The following ST6GAL2 variants were observed in gnomAD, a reference collection of about 807,000 sequenced individuals.
ST6GAL2 encodes beta-galactoside alpha-2,6-sialyltransferase 2.
Under a neutral mutation model 37.5 loss-of-function variants are expected in ST6GAL2, and 24 were observed. The ratio of observed to expected loss-of-function variants is 0.64; its 90% CI spans 0.46 to 0.90. The LOEUF is 0.90. Ranked by LOEUF, ST6GAL2 falls within the 40% of genes least tolerant of loss-of-function variation. The pLI is 0.00. For missense variants in ST6GAL2, 715 were observed against 712.7 expected (o/e 1.00, Z -0.04); for synonymous variants, 306 against 295.1 (o/e 1.04, Z -0.38).
At position 106,806,778 on chromosome 2, in the gene ST6GAL2, A is replaced by G. The variant is rs764730765; in HGVS notation, c.1490T>C (p.Met497Thr). 7.7e-5 allele frequency: 124 copies of G among 1,614,174 alleles called. 1 individual carries two copies. In the Middle Eastern group the frequency reaches 5.6e-3, roughly 73 times the overall value. ...GCGATGCAAATCCCCCTGCGTGCCC[A>G]TGTTCAGGCGCTGCACCAGGAGCTT... ...YEKLLVQRLN[M>T]GTQGDLHRKG... The change falls in exon 6 of 6, where the codon ATG (methionine) becomes ACG (threonine). Residue 497 changes from methionine (M) to threonine (T), a missense_variant. This residue lies in a region of ST6GAL2 where 198 missense variants were observed against 203.6 expected (regional missense o/e 0.97). Transcript: ENST00000409382.
intron 1 of ST6GAL2, among the ~76,000 whole-genome samples, chr2:106,885,667 C>G (rs1160692683): frequency 4.6e-5 from 7 of 152,074 alleles, no homozygotes; most frequent in Non-Finnish European, 1.0e-4. Flanking sequence ...TTGCCGCCTG[C>G]CAACTACATA....
At chr2:106,819,351 G>C (rs1302317553) in intron 5 of ST6GAL2, among the ~76,000 whole-genome samples, 1 of 142,556 alleles carries the variant, frequency 7.0e-6, no homozygotes, top group East Asian at 2.1e-4. Context: ...AGCAGCAAGA[G>C]AAAAAAAAAA....
intron 1 of ST6GAL2, among the ~76,000 whole-genome samples, chr2:106,849,384 C>A (rs2377689): frequency 0.87 from 131,930 of 152,046 alleles, 57,362 homozygotes; most frequent in East Asian, 0.98. Context: ...TTAATATTAA[C>A]ATAGACATCA....
intron 2 of ST6GAL2, among the ~76,000 whole-genome samples, chr2:106,838,123 A>C (rs959758882): frequency 6.6e-6 from 1 of 152,232 alleles, no homozygotes; most frequent in Non-Finnish European, 1.5e-5. Context: ...GAAGCTGTCC[A>C]TTCATATTTA....
At position 106,807,734 on chromosome 2, in the gene ST6GAL2, C is replaced by T. The variant is rs545748278; in HGVS notation, c.1319-785G>A. On this transcript the variant is annotated intron_variant, in intron 5 of 5. Transcript: ENST00000409382. ...CCCCTTCCCCGATTCACGCCATTCT[C>T]CTGCCTCAGCCTCCCAAGTAGCCGG... Among the ~76,000 whole-genome samples the T allele has an allele frequency of 5.3e-5, 8 of 151,018 alleles. No homozygotes were observed. In the South Asian group the frequency reaches 6.3e-4, roughly 12 times the overall value.
rs557586867 is a variant in ST6GAL2 at position 106,820,370 on chromosome 2, A to C, written c.1318+9696T>G. ...ATAGACTTCCAGCCAAAAACCTATA[A>C]AAAAAAGACAAAGTAGGTCATTATA... On this transcript the variant is annotated intron_variant, in intron 5 of 5. Transcript: ENST00000409382. Among the ~76,000 whole-genome samples the C allele has an allele frequency of 7.2e-4, 110 of 152,138 alleles. 3 individuals are homozygous for C. In the South Asian group the frequency reaches 0.022, roughly 30 times the overall value.
chr2:106,859,382 T>C (rs1162203353), intron 1 of ST6GAL2, among the ~76,000 whole-genome samples: 1 of 152,230 alleles, frequency 6.6e-6, no homozygotes, highest in Non-Finnish European at 1.5e-5. Context: ...TTGATATCTA[T>C]ACCCTTGGTT....
intron 1 of ST6GAL2, among the ~76,000 whole-genome samples, chr2:106,864,623 G>A (rs910672424): frequency 6.6e-6 from 1 of 151,970 alleles, no homozygotes; most frequent in African/African-American, 2.4e-5. Flanking sequence ...TATCAACTTG[G>A]GCAGGTTATT....
intron 1 of ST6GAL2, among the ~76,000 whole-genome samples, chr2:106,853,477 A>G (rs1677456100): frequency 6.6e-6 from 1 of 152,238 alleles, no homozygotes; most frequent in South Asian, 2.1e-4. Context: ...TATGGATTAA[A>G]GTAAGCCTGG....
intron 1 of ST6GAL2, among the ~76,000 whole-genome samples, chr2:106,855,353 T>C (rs1186548508): frequency 6.6e-6 from 1 of 152,226 alleles, no homozygotes; most frequent in Non-Finnish European, 1.5e-5. Context: ...TGGTAAGAGC[T>C]ACACTTAAAA....
chr2:106,883,789 A>G (rs570168523), intron 1 of ST6GAL2, among the ~76,000 whole-genome samples: 21 of 152,352 alleles, frequency 1.4e-4, no homozygotes, highest in African/African-American at 5.1e-4. Flanking sequence ...CAATACATTT[A>G]AAGAGCAAAT....
At position 106,843,625 on chromosome 2, in the gene ST6GAL2, CT is replaced by C. The variant is rs1380838432; in HGVS notation, c.352del (p.Arg118GlufsTer56). On this transcript the variant is annotated frameshift_variant, in exon 2 of 6. Coordinates refer to ENST00000409382, the MANE Select transcript of ST6GAL2 (RefSeq NM_001142351.2). LOFTEE classifies it high-confidence loss of function. ...CGGGTAGAAAGCACTTTGAGATTTT[CT>C]CCCCACCTGGGATGAAAAAAACTCT... ...HKEFFSSQVG[R>X]KSQSAFYPED... is the part of the protein sequence containing the mutation. 1 of 1,613,954 alleles carries C rather than the reference CT, an allele frequency of 6.2e-7. No homozygotes were observed. Among genetic ancestry groups the C allele is most frequent in the Non-Finnish European group, 8.5e-7 (1 of 1,180,036 alleles).
chr2:106,810,909 C>T (rs1008708625), intron 5 of ST6GAL2, among the ~76,000 whole-genome samples: 1 of 151,940 alleles, frequency 6.6e-6, no homozygotes, highest in Non-Finnish European at 1.5e-5. Flanking sequence ...CATGATTGTG[C>T]CACTGCACTC....
At chr2:106,823,764 A>G (rs1332130359) in intron 5 of ST6GAL2, among the ~76,000 whole-genome samples, 2 of 152,158 alleles carry the variant, frequency 1.3e-5, no homozygotes, top group Non-Finnish European at 2.9e-5. Flanking sequence ...AATTCCAAGA[A>G]CAATATGCAG....
Position 106,843,428 on chromosome 2 carries a change from G to C in ST6GAL2, c.550C>G (p.His184Asp). The C allele has an allele frequency of 6.2e-7, 1 of 1,614,108 alleles. No individual in the cohort carries two copies. Among genetic ancestry groups the C allele is most frequent in the Non-Finnish European group, 8.5e-7 (1 of 1,180,024 alleles). Residue 184 changes from histidine (H) to aspartate (D), a missense_variant, in exon 2 of 6, where the codon CAC (histidine) becomes GAC (aspartate). Coordinates refer to ENST00000409382, the MANE Select transcript of ST6GAL2 (RefSeq NM_001142351.2). ...KKRHRRQRRSHVLEEGDDGDR... is the reference protein window; with the variant it reads ...KKRHRRQRRSDVLEEGDDGDR... ...CCGTCGTCGCCCTCCTCCAACACGT[G>C]GCTCCTTCTCTGCCTCCGGTGCCTC...
chr2:106,865,349 C>CT (rs1182314721), intron 1 of ST6GAL2, among the ~76,000 whole-genome samples: 1 of 152,158 alleles, frequency 6.6e-6, no homozygotes, highest in African/African-American at 2.4e-5. Flanking sequence ...ATGCAGGACC[C>CT]TTTAAACAGA....
intron 2 of ST6GAL2, among the ~76,000 whole-genome samples, chr2:106,840,959 G>A (rs1266471081): frequency 2.0e-5 from 3 of 152,132 alleles, no homozygotes; most frequent in Non-Finnish European, 4.4e-5. Context: ...AAGAACTGTG[G>A]TGTTATTTCA....
chr2:106,871,969 T>G (rs1167023445), intron 1 of ST6GAL2, among the ~76,000 whole-genome samples: 2 of 152,266 alleles, frequency 1.3e-5, no homozygotes, highest in East Asian at 3.8e-4. Context: ...TATCAAGTAT[T>G]ATGCCCTGTA....
Position 106,843,935 on chromosome 2 carries a change from C to T in ST6GAL2, c.43G>A (p.Gly15Arg). The change falls in exon 2 of 6, where the codon GGA becomes AGA. Residue 15 changes from glycine (G) to arginine (R), a missense_variant. By Grantham distance (125) the Gly-to-Arg change is moderately radical. This residue lies in a region of ST6GAL2 where 512 missense variants were observed against 488.8 expected (regional missense o/e 1.05). Transcript: ENST00000409382. ...LKQWRQRMLF[G>R]IFAWGLLFLL... ...AAGAGGAGCCCCCAAGCGAATATTC[C>T]GAAAAGCATTCGTTGTCTCCATTGC... 2 of 1,596,438 alleles carry T rather than the reference C, an allele frequency of 1.3e-6. No homozygotes were observed. Among genetic ancestry groups the T allele is most frequent in the Non-Finnish European group, 1.7e-6 (2 of 1,177,006 alleles).
Sources: allele counts gnomAD v4.1 joint callset (sites outside exome capture counted in the v4.1 genomes callset), GRCh38; gene constraint gnomAD v4.1.1; regional missense constraint gnomAD v4.1.1; transcripts MANE v1.5; gene names NCBI Gene and HGNC (gene_info 2026-07-23, HGNC 2026-07-21).